The following MAGI2 variants were observed in gnomAD, a reference collection of about 807,000 sequenced individuals.
The protein encoded by MAGI2 is membrane-associated guanylate kinase, WW and PDZ domain-containing protein 2.
Under a neutral mutation model 133.3 loss-of-function variants are expected in MAGI2, and 35 were observed. That is an observed-to-expected ratio of 0.26 (90% CI 0.20 to 0.35). The LOEUF (loss-of-function observed/expected upper bound fraction) is 0.35, where lower values mean the gene tolerates loss of function less well. MAGI2 is among the 10% of genes least tolerant of loss of function. MAGI2 has a pLI of 1.00. For missense variants in MAGI2, 1,636 were observed against 1,863.4 expected (o/e 0.88, Z 2.25); for synonymous variants, 729 against 710.6 (o/e 1.03, Z -0.41).
intron 2 of MAGI2, among the ~76,000 whole-genome samples, chr7:78,804,767 A>C (rs1408241698): frequency 9.3e-6 from 1 of 107,786 alleles, no homozygotes; most frequent in South Asian, 3.2e-4. Flanking sequence ...AAAAAAAAAA[A>C]AAAAACCTTT....
At chr7:79,319,745 T>G (rs1277871518) in intron 1 of MAGI2, among the ~76,000 whole-genome samples, 1 of 152,098 alleles carries the variant, frequency 6.6e-6, no homozygotes, top group Non-Finnish European at 1.5e-5. Flanking sequence ...CTAATTTTAT[T>G]TTGCTCTTCC....
At chr7:79,289,884 T>A (rs574475253) in intron 1 of MAGI2, among the ~76,000 whole-genome samples, 62 of 151,598 alleles carry the variant, frequency 4.1e-4, no homozygotes, top group African/African-American at 1.1e-3. Context: ...AAAAAAAAAT[T>A]TAAAAAATAA....
At chr7:78,549,593 G>A (rs1018953551) in intron 3 of MAGI2, among the ~76,000 whole-genome samples, 7 of 151,954 alleles carry the variant, frequency 4.6e-5, no homozygotes, top group Admixed American at 2.0e-4. Flanking sequence ...TCTCAATAAC[G>A]AGTTAATAAA....
intron 3 of MAGI2, among the ~76,000 whole-genome samples, chr7:78,624,943 C>T (rs578099947): frequency 6.6e-6 from 1 of 151,974 alleles, no homozygotes; most frequent in South Asian, 2.1e-4. Context: ...TGTTAAACAG[C>T]CTCGGGCAGG....
At chr7:79,207,131 T>C (rs1264747641) in intron 1 of MAGI2, among the ~76,000 whole-genome samples, 1 of 151,904 alleles carries the variant, frequency 6.6e-6, no homozygotes, top group Non-Finnish European at 1.5e-5. Context: ...CAGGGAAATG[T>C]TGAAAGCTTT....
At chr7:78,201,038 T>G (rs1829206172) in intron 11 of MAGI2, 124 bp downstream of exon 11, 5 of 597,890 alleles carry the variant, frequency 8.4e-6, no homozygotes, top group Non-Finnish European at 1.4e-5. Context: ...AGAGGATTTA[T>G]TTTTTTTACA....
chr7:78,469,965 A>C lies in MAGI2; in HGVS notation c.1045+19796T>G, dbSNP rs576524182. Among the ~76,000 whole-genome samples the C allele has an allele frequency of 2.0e-5, 3 of 152,284 alleles. No individual in the cohort carries two copies. The East Asian group carries it at 5.8e-4, about 29-fold the overall frequency. On this transcript the variant is annotated intron_variant, in intron 6 of 21. Transcript: ENST00000354212. The stretch of plus-strand genomic sequence containing the variant: ...AAGGAATAGTCAATAAATCTCATGC[A>C]GAATATATAAAATGTGGCTTCGCTA...
chr7:78,188,382 ATT>A (rs566076568), intron 12 of MAGI2, among the ~76,000 whole-genome samples: 20 of 152,152 alleles, frequency 1.3e-4, no homozygotes, highest in Non-Finnish European at 2.6e-4. Context: ...TGAAAGGCAA[ATT>A]TTTTTCACAG....
intron 2 of MAGI2, among the ~76,000 whole-genome samples, chr7:78,941,535 C>T (rs1800971108): frequency 6.6e-6 from 1 of 151,896 alleles, no homozygotes; most frequent in Admixed American, 6.6e-5. Flanking sequence ...AGGGTTTTGC[C>T]CTGTTGGCCA....
Position 78,489,842 on chromosome 7 carries a change from TGAAAA to T in MAGI2, c.966-7_966-3del. The T allele has an allele frequency of 1.9e-6, 3 of 1,610,518 alleles. No homozygotes were observed. The highest frequency in any genetic ancestry group is 2.5e-6 in the Non-Finnish European group (3 of 1,177,846). On this transcript the variant is annotated splice_polypyrimidine_tract_variant and splice_region_variant and intron_variant, in intron 5 of 21. Coordinates refer to ENST00000354212, the MANE Select transcript of MAGI2 (RefSeq NM_012301.4). ...CATGATGTTGTCTTTGTGTTATGGC[TGAAAA>T]GAAAAGAGATCACTCTGAACAGACA...
At chr7:78,431,607 T>C (rs895351170) in intron 6 of MAGI2, among the ~76,000 whole-genome samples, 22 of 152,070 alleles carry the variant, frequency 1.4e-4, no homozygotes, top group African/African-American at 5.3e-4. Context: ...AAAAAGAAAA[T>C]GCAGATGGTA....
intron 1 of MAGI2, among the ~76,000 whole-genome samples, chr7:79,386,417 A>G (rs2129146798): frequency 6.6e-6 from 1 of 152,186 alleles, no homozygotes; most frequent in East Asian, 1.9e-4. Context: ...CAAATTGTGT[A>G]CATTGGGATT....
chr7:78,243,027 G>C (rs1791322928), intron 10 of MAGI2, among the ~76,000 whole-genome samples: 1 of 152,046 alleles, frequency 6.6e-6, no homozygotes, highest in African/African-American at 2.4e-5. Flanking sequence ...AACTGTGATT[G>C]TGCCACTGCA....
chr7:79,052,930 A>G (rs1165966930), intron 1 of MAGI2, among the ~76,000 whole-genome samples: 1 of 152,146 alleles, frequency 6.6e-6, no homozygotes, highest in Non-Finnish European at 1.5e-5. Flanking sequence ...AGTTGAAATG[A>G]AACAGTGTGC....
intron 2 of MAGI2, among the ~76,000 whole-genome samples, chr7:78,965,968 C>G (rs1346691262): frequency 6.6e-6 from 1 of 151,888 alleles, no homozygotes. Flanking sequence ...GAAACTGAGG[C>G]CTCTAAAGTA....
chr7:79,026,231 C>G (rs1316090521), intron 1 of MAGI2, among the ~76,000 whole-genome samples: 1 of 152,060 alleles, frequency 6.6e-6, no homozygotes, highest in Non-Finnish European at 1.5e-5. Flanking sequence ...CTCTATTGCC[C>G]CCATTCCCTG....
At chr7:79,191,480 A>G (rs919853352) in intron 1 of MAGI2, among the ~76,000 whole-genome samples, 2 of 130,254 alleles carry the variant, frequency 1.5e-5, no homozygotes, top group African/African-American at 3.0e-5. Flanking sequence ...ATGCAATGGC[A>G]CAATCACAGC....
intron 1 of MAGI2, among the ~76,000 whole-genome samples, chr7:79,229,612 G>C (rs1243036477): frequency 6.6e-6 from 1 of 152,128 alleles, no homozygotes. Flanking sequence ...AGTGGATAAT[G>C]CATATGAATC....
intron 1 of MAGI2, among the ~76,000 whole-genome samples, chr7:79,253,535 C>G (rs1371210678): frequency 1.3e-5 from 2 of 151,932 alleles, no homozygotes; most frequent in Non-Finnish European, 2.9e-5. Flanking sequence ...CCCAGCTACT[C>G]AGGAGGCTGA....
Sources: allele counts gnomAD v4.1 joint callset (sites outside exome capture counted in the v4.1 genomes callset), GRCh38; gene constraint gnomAD v4.1.1; transcripts MANE v1.5; gene names NCBI Gene and HGNC (gene_info 2026-07-23, HGNC 2026-07-21).